The following PXDNL variants were observed in gnomAD, a reference collection of about 807,000 sequenced individuals.
PXDNL encodes peroxidasin like.
PXDNL carries 145 observed loss-of-function variants against 150.8 expected under a neutral mutation model. The observed-to-expected ratio is 0.96, with a 90% CI of 0.84 to 1.10. PXDNL has a LOEUF of 1.10. Ranked by LOEUF, PXDNL falls within the 50% of genes least tolerant of loss-of-function variation. The pLI is 0.00. For synonymous variants in PXDNL, 757 were observed against 725.7 expected, an observed-to-expected ratio of 1.04 and a Z score of -0.69; for missense variants, 2,087 against 1,873.9, an observed-to-expected ratio of 1.11 and a Z score of -2.10.
At chr8:51,404,855 G>C (rs1192887258) in intron 17 of PXDNL, among the ~76,000 whole-genome samples, 1 of 152,238 alleles carries the variant, frequency 6.6e-6, no homozygotes, top group Non-Finnish European at 1.5e-5. Context: ...CGATGGGACT[G>C]GGTGCCCCAG....
chr8:51,528,799 A>C (rs1811820957), intron 4 of PXDNL, among the ~76,000 whole-genome samples: 1 of 152,150 alleles, frequency 6.6e-6, no homozygotes, highest in African/African-American at 2.4e-5. Flanking sequence ...CAACCTCTAG[A>C]AATTGGGTTT....
rs574221583 is a variant in PXDNL, at chr8:51,611,150, A to T, written c.237-18452T>A. Among the ~76,000 whole-genome samples the T allele has an allele frequency of 1.8e-3, 275 of 152,238 alleles. 2 individuals carry two copies. Among genetic ancestry groups the T allele is most frequent in the African/African-American group, 6.2e-3 (256 of 41,528 alleles). ...TAATTGAGGCAGATTGCTTGGCTTT[A>T]TTTGTATATCCAAGCAAAATATTAT... On this transcript the variant is annotated intron_variant, in intron 2 of 22. Transcript: ENST00000356297.
At chr8:51,754,270 T>C (rs1263340796) in intron 1 of PXDNL, among the ~76,000 whole-genome samples, 1 of 152,102 alleles carries the variant, frequency 6.6e-6, no homozygotes, top group Admixed American at 6.5e-5. Flanking sequence ...AAAAATGTAA[T>C]GAATACCCAG....
intron 9 of PXDNL, 24 bp from the exon 10 acceptor site, chr8:51,453,809 C>T (rs745570927): frequency 4.0e-5 from 65 of 1,607,514 alleles, no homozygotes; most frequent in Non-Finnish European, 5.5e-5. Flanking sequence ...GGGAACAAAA[C>T]GAAATCCAGC....
At position 51,374,690 on chromosome 8, in the gene PXDNL, A is replaced by G. The variant is rs1227450349; in HGVS notation, c.3599T>C (p.Leu1200Pro). ...SPGDIDLWPA[L>P]MVEDLIPGTR... is the part of the protein sequence containing the mutation. ...ACCAGGAATCAGGTCTTCAACCATA[A>G]GGGCGGGCCAGAGGTCAATGTCACC... Residue 1200 changes from leucine to proline, a missense_variant, in exon 18 of 23, where the codon CTT becomes CCT. Coordinates refer to ENST00000356297, the MANE Select transcript of PXDNL (RefSeq NM_144651.5). 6.2e-7 allele frequency: 1 copy of G among 1,613,828 alleles called. No homozygotes were observed. Among genetic ancestry groups the G allele is most frequent in the East Asian group, 2.2e-5 (1 of 44,888 alleles).
chr8:51,728,217 G>A (rs1054667605), intron 1 of PXDNL, among the ~76,000 whole-genome samples: 5 of 152,186 alleles, frequency 3.3e-5, no homozygotes, highest in African/African-American at 1.2e-4. Flanking sequence ...CTACTGTGCT[G>A]CCAGTGTTAT....
intron 19 of PXDNL, among the ~76,000 whole-genome samples, chr8:51,349,389 CACTT>C (rs1335769876): frequency 5.3e-5 from 8 of 152,218 alleles, no homozygotes; most frequent in Non-Finnish European, 1.0e-4. Context: ...CATTTGGTCT[CACTT>C]GAGTGACAAA....
chr8:51,600,991 A>C (rs572908372), intron 2 of PXDNL, among the ~76,000 whole-genome samples: 6 of 141,962 alleles, frequency 4.2e-5, no homozygotes, highest in African/African-American at 7.9e-5. Flanking sequence ...ATTATATCTT[A>C]TATAAATTAT....
intron 20 of PXDNL, among the ~76,000 whole-genome samples, chr8:51,344,775 T>A (rs1469653363): frequency 2.0e-5 from 3 of 152,212 alleles, no homozygotes; most frequent in African/African-American, 7.2e-5. Flanking sequence ...TACATATGTA[T>A]CCTCAAGTTA....
At chr8:51,646,980 G>T (rs1814934187) in intron 2 of PXDNL, among the ~76,000 whole-genome samples, 1 of 152,062 alleles carries the variant, frequency 6.6e-6, no homozygotes, top group Admixed American at 6.6e-5. Context: ...ATTACTACTG[G>T]TACTTCAGCA....
chr8:51,414,972 G>T (rs1330445330), intron 14 of PXDNL, among the ~76,000 whole-genome samples: 3 of 152,198 alleles, frequency 2.0e-5, no homozygotes, highest in African/African-American at 7.2e-5. Flanking sequence ...TTTGACAGGA[G>T]TGAGAGTTCC....
At chr8:51,710,581 A>G (rs1816478383) in intron 1 of PXDNL, among the ~76,000 whole-genome samples, 1 of 152,074 alleles carries the variant, frequency 6.6e-6, no homozygotes, top group Admixed American at 6.5e-5. Flanking sequence ...CCTTTGACCA[A>G]TCTCTTCACA....
Position 51,718,423 on chromosome 8 carries a change from A to C in PXDNL, c.165-63663T>G, listed in dbSNP as rs151263808. ...GGTTAGGTGAAAAAAAGTAGAAGTT[A>C]TCTGTAATTCAATCATGCATATACT... On this transcript the variant is annotated intron_variant, in intron 1 of 22. Transcript: ENST00000356297. 2.0e-5 allele frequency among the ~76,000 whole-genome samples: 3 copies of C among 152,328 alleles called. No individual in the cohort carries two copies. In the East Asian group the frequency reaches 5.8e-4, roughly 29 times the overall value.
intron 4 of PXDNL, among the ~76,000 whole-genome samples, chr8:51,509,739 TATACACACACACAC>T (rs759244926): frequency 1.4e-4 from 15 of 106,214 alleles, no homozygotes; most frequent in Non-Finnish European, 2.4e-4. Context: ...TATATACATA[TATACACACACACAC>T]ACACACACAC....
intron 1 of PXDNL, among the ~76,000 whole-genome samples, chr8:51,777,620 A>C (rs1440713249): frequency 6.6e-6 from 1 of 152,176 alleles, no homozygotes; most frequent in East Asian, 1.9e-4. Flanking sequence ...CTTTGGTGTC[A>C]GCCAGGCAAG....
chr8:51,459,628 A>G (rs1810019947), intron 8 of PXDNL, among the ~76,000 whole-genome samples: 1 of 152,180 alleles, frequency 6.6e-6, no homozygotes. Context: ...ATGCTCATAA[A>G]ACTTGTTTGC....
intron 3 of PXDNL, among the ~76,000 whole-genome samples, chr8:51,561,401 A>G (rs1812718645): frequency 6.6e-6 from 1 of 151,894 alleles, no homozygotes; most frequent in Non-Finnish European, 1.5e-5. Flanking sequence ...ATATACATAC[A>G]ATGGTATATT....
chr8:51,672,921 T>A (rs1472775556), intron 1 of PXDNL, among the ~76,000 whole-genome samples: 1 of 152,182 alleles, frequency 6.6e-6, no homozygotes, highest in Non-Finnish European at 1.5e-5. Flanking sequence ...GCTGTGAAAT[T>A]CTTTGGTTGT....
intron 3 of PXDNL, among the ~76,000 whole-genome samples, chr8:51,588,198 A>G (rs1397280768): frequency 1.3e-5 from 2 of 152,228 alleles, no homozygotes; most frequent in Admixed American, 6.5e-5. Context: ...GATCAAGTAT[A>G]AAGAGCAAAG....
Sources: gnomAD v4.1 joint callset for allele counts (sites outside exome capture counted in the v4.1 genomes callset) on GRCh38, gnomAD v4.1.1 for gene constraint, MANE v1.5 for transcripts, NCBI Gene and HGNC (gene_info 2026-07-23, HGNC 2026-07-21) for gene names.